The following RNGTT variants were observed in gnomAD, a reference collection of about 807,000 sequenced individuals.
RNGTT encodes the protein mRNA-capping enzyme.
In RNGTT, 33 loss-of-function variants were observed where a neutral mutation model predicts 79.3. That is an observed-to-expected ratio of 0.42 (90% CI 0.32 to 0.56). The LOEUF (loss-of-function observed/expected upper bound fraction) is 0.56. RNGTT is among the 20% of genes least tolerant of loss of function. The pLI, the probability that RNGTT is intolerant of heterozygous loss-of-function variation, is 0.17. For missense variants in RNGTT, 497 were observed against 739.1 expected (o/e 0.67, Z 3.80); for synonymous variants, 222 against 235.9 (o/e 0.94, Z 0.54).
intron 6 of RNGTT, 51 bp from the exon 7 acceptor site, chr6:88,891,966 G>A: frequency 8.2e-7 from 1 of 1,225,908 alleles, no homozygotes; most frequent in Non-Finnish European, 1.1e-6. Context: ...TTTTATTAGA[G>A]TTCAAATTCA....
Position 88,688,984 on chromosome 6 carries a change from A to G in RNGTT, c.1440-10565T>C, listed in dbSNP as rs184120432. Reference sequence around the variant, plus strand: ...AATATAGTGTATAACACATGTAACTACAAAATACATGTTAATTGACTGTGT... The same window carrying G: ...AATATAGTGTATAACACATGTAACTGCAAAATACATGTTAATTGACTGTGT... On this transcript the variant is annotated intron_variant, in intron 13 of 15. Transcript: ENST00000369485. 1.9e-3 allele frequency among the ~76,000 whole-genome samples: 296 copies of G among 152,338 alleles called. 4 individuals are homozygous for G. Among genetic ancestry groups the G allele is most frequent in the African/African-American group, 7.0e-3 (290 of 41,574 alleles).
chr6:88,726,957 T>A (rs2127817246), intron 13 of RNGTT, among the ~76,000 whole-genome samples: 1 of 151,126 alleles, frequency 6.6e-6, no homozygotes, highest in Admixed American at 6.6e-5. Flanking sequence ...TGAAGGAAGT[T>A]CACTTTGGAA....
intron 13 of RNGTT, among the ~76,000 whole-genome samples, chr6:88,692,990 G>T (rs1008812246): frequency 2.0e-5 from 3 of 151,934 alleles, no homozygotes; most frequent in Non-Finnish European, 2.9e-5. Flanking sequence ...AGCAAAAGCA[G>T]TTCTAAGAGG....
chr6:88,698,235 A>AATATATATATC (rs1276791462), intron 13 of RNGTT, among the ~76,000 whole-genome samples: 2 of 115,996 alleles, frequency 1.7e-5, no homozygotes, highest in East Asian at 2.2e-4. Flanking sequence ...ATATATATGA[A>AATATATATATC]ATATATATAT....
Position 88,614,265 on chromosome 6 carries a change from T to C in RNGTT, c.1630+7A>G. ...TATAATAAGCACTGGTAAGTTGTCA[T>C]ACTCACCCATGGCAGTGTTGTAGGC... On this transcript the variant is annotated splice_region_variant and intron_variant, in intron 15 of 15. Transcript: ENST00000369485. 4 of 1,613,524 alleles carry C rather than the reference T, an allele frequency of 2.5e-6. No individual in the cohort carries two copies. Among genetic ancestry groups the C allele is most frequent in the Non-Finnish European group, 3.4e-6 (4 of 1,179,590 alleles).
At chr6:88,712,618 T>C (rs1776356611) in intron 13 of RNGTT, among the ~76,000 whole-genome samples, 1 of 152,218 alleles carries the variant, frequency 6.6e-6, no homozygotes, top group Non-Finnish European at 1.5e-5. Context: ...GATAATACTT[T>C]AGTTTTATTA....
At chr6:88,841,168 T>C (rs1035867348) in intron 11 of RNGTT, among the ~76,000 whole-genome samples, 1 of 152,166 alleles carries the variant, frequency 6.6e-6, no homozygotes, top group African/African-American at 2.4e-5. Context: ...ACACAGGCTC[T>C]TGTAGGTACC....
chr6:88,622,726 T>C (rs1772482930), intron 14 of RNGTT, among the ~76,000 whole-genome samples: 1 of 152,096 alleles, frequency 6.6e-6, no homozygotes, highest in Non-Finnish European at 1.5e-5. Context: ...TTAAATACCA[T>C]CTACATGTGA....
chr6:88,755,959 C>CAAA lies in RNGTT; in HGVS notation c.1439+13812_1439+13814dup, dbSNP rs1157096180. Among the ~76,000 whole-genome samples the CAAA allele has an allele frequency of 5.6e-3, 172 of 30,482 alleles. 9 individuals are homozygous for CAAA. The highest frequency in any genetic ancestry group is 0.02 in the Middle Eastern group (1 of 50). 20.0% of individuals were successfully genotyped at this position (30,482 alleles called of 152,430 possible). ...TGGCCAACAGAGTGAGACTCCGTCT[C>CAAA]AAAAAAAAAAAAAAAAAAAAAAAAA... On this transcript the variant is annotated intron_variant, in intron 13 of 15. Transcript: ENST00000369485.
chr6:88,739,601 C>T (rs1777398978), intron 13 of RNGTT, among the ~76,000 whole-genome samples: 1 of 151,376 alleles, frequency 6.6e-6, no homozygotes, highest in Non-Finnish European at 1.5e-5. Context: ...CAAAAAATAT[C>T]TCATCACATA....
chr6:88,839,846 T>C (rs1287672896), intron 11 of RNGTT, among the ~76,000 whole-genome samples: 3 of 152,212 alleles, frequency 2.0e-5, no homozygotes, highest in Non-Finnish European at 4.4e-5. Flanking sequence ...CAGCTTGTTA[T>C]TACTATTTTG....
At chr6:88,713,525 T>C (rs1209820474) in intron 13 of RNGTT, among the ~76,000 whole-genome samples, 1 of 152,210 alleles carries the variant, frequency 6.6e-6, no homozygotes, top group Non-Finnish European at 1.5e-5. Flanking sequence ...TTTCACATGG[T>C]AGCATCGATA....
chr6:88,963,508 C>A lies in RNGTT; in HGVS notation c.-99G>T. The A allele has an allele frequency of 2.6e-6, 3 of 1,142,378 alleles. No homozygotes were observed. The highest frequency in any genetic ancestry group is 3.6e-6 in the Non-Finnish European group (3 of 835,174). 70.8% of individuals were successfully genotyped at this position (1,142,378 alleles called of 1,614,324 possible). A position where few individuals can be genotyped will look rare whatever the true frequency, so the allele number is the denominator to read the frequency against. On this transcript the variant is annotated 5_prime_UTR_variant, in exon 1 of 16. Coordinates refer to ENST00000369485, the MANE Select transcript of RNGTT (RefSeq NM_003800.5). ...GGTGCACACCGGGGTCCGAGACACCCGAATCGCAGCCGTAATCTGAATTCC... is the reference window on the plus strand; with the variant it reads ...GGTGCACACCGGGGTCCGAGACACCAGAATCGCAGCCGTAATCTGAATTCC...
chr6:88,620,301 T>C (rs1772395827), intron 14 of RNGTT, among the ~76,000 whole-genome samples: 5 of 152,200 alleles, frequency 3.3e-5, no homozygotes, highest in Admixed American at 2.0e-4. Flanking sequence ...CCCAAGTTAT[T>C]ATAGACAAGT....
intron 11 of RNGTT, among the ~76,000 whole-genome samples, chr6:88,837,769 T>A (rs767618389): frequency 6.6e-6 from 1 of 152,126 alleles, no homozygotes; most frequent in Non-Finnish European, 1.5e-5. Context: ...TGAACACCCA[T>A]TCTTGGTTAA....
At chr6:88,651,949 A>G (rs1467858448) in intron 14 of RNGTT, among the ~76,000 whole-genome samples, 1 of 152,134 alleles carries the variant, frequency 6.6e-6, no homozygotes, top group Non-Finnish European at 1.5e-5. Context: ...ATGTATGTAA[A>G]TATGTATATA....
chr6:88,660,353 C>T (rs566051157), intron 14 of RNGTT, among the ~76,000 whole-genome samples: 3 of 152,182 alleles, frequency 2.0e-5, no homozygotes, highest in African/African-American at 7.2e-5. Flanking sequence ...TTAAAAGATA[C>T]AGAATAGCAG....
intron 8 of RNGTT, among the ~76,000 whole-genome samples, chr6:88,869,297 A>T (rs1364455637): frequency 6.6e-6 from 1 of 152,210 alleles, no homozygotes; most frequent in Non-Finnish European, 1.5e-5. Flanking sequence ...TGAAACTTCA[A>T]GTCATAAGAA....
intron 1 of RNGTT, among the ~76,000 whole-genome samples, chr6:88,944,762 T>C (rs1784952179): frequency 6.6e-6 from 1 of 152,134 alleles, no homozygotes; most frequent in Non-Finnish European, 1.5e-5. Context: ...TGAGCAAGAG[T>C]GTAGACTTTA....
Sources: gnomAD v4.1 joint callset for allele counts (sites outside exome capture counted in the v4.1 genomes callset) on GRCh38, gnomAD v4.1.1 for gene constraint, MANE v1.5 for transcripts, NCBI Gene and HGNC (gene_info 2026-07-23, HGNC 2026-07-21) for gene names.